The following SP140 variants were observed in gnomAD, a reference collection of about 807,000 sequenced individuals.
SP140 encodes the protein nuclear body protein SP140.
A neutral mutation model predicts 125.0 loss-of-function variants in SP140; 81 were observed. That is an observed-to-expected ratio of 0.65 (90% CI 0.54 to 0.78). SP140 has a LOEUF of 0.78. SP140 is among the 30% of genes least tolerant of loss of function. SP140 has a pLI of 0.00. For synonymous variants in SP140, 312 were observed against 354.0 expected, an observed-to-expected ratio of 0.88 and a Z score of 1.33; for missense variants, 858 against 1,037.0, an observed-to-expected ratio of 0.83 and a Z score of 2.37.
intron 1 of SP140, among the ~76,000 whole-genome samples, chr2:230,231,109 A>G (rs1413296181): frequency 3.3e-5 from 5 of 151,982 alleles, no homozygotes; most frequent in African/African-American, 1.2e-4. Flanking sequence ...ATTTTTCATT[A>G]TGTCTTTGAG....
At chr2:230,231,761 C>T (rs2047283169) in intron 1 of SP140, among the ~76,000 whole-genome samples, 1 of 152,020 alleles carries the variant, frequency 6.6e-6, no homozygotes, top group African/African-American at 2.4e-5. Context: ...GGCTATAGTG[C>T]AGTGGCGTGG....
intron 1 of SP140, among the ~76,000 whole-genome samples, chr2:230,208,849 G>A (rs1489031181): frequency 2.0e-5 from 3 of 152,286 alleles, no homozygotes; most frequent in African/African-American, 7.2e-5. Context: ...CTAGGAAAAG[G>A]CAGAGAGGAA....
chr2:230,306,186 A>G (rs2058744057), intron 22 of SP140, among the ~76,000 whole-genome samples: 1 of 152,186 alleles, frequency 6.6e-6, no homozygotes, highest in South Asian at 2.1e-4. Flanking sequence ...CACAGCCGGC[A>G]GGACCTGCTC....
the SP140 span, among the ~76,000 whole-genome samples, chr2:230,188,052 T>G: frequency 2.6e-5 from 4 of 152,188 alleles, no homozygotes; most frequent in Non-Finnish European, 5.9e-5. Context: ...TTGATAAGAA[T>G]TGCATTCAAT....
chr2:230,286,203 G>A (rs891978759), intron 17 of SP140, among the ~76,000 whole-genome samples: 13 of 152,136 alleles, frequency 8.5e-5, no homozygotes, highest in African/African-American at 3.1e-4. Flanking sequence ...TTCCTGTCTT[G>A]AGCAAGCTCT....
rs2057445826 is a variant in SP140 at position 230,294,283 on chromosome 2, C to T, written c.1981C>T (p.Pro661Ser). 6.2e-7 allele frequency: 1 copy of T among 1,613,020 alleles called. No individual in the cohort carries two copies. Reference sequence around the variant, plus strand: ...TTTTGTCTTTCAGAATGGATTTCTGCCTGATCCTCCAAGAATACGTTACAG... The same window carrying T: ...TTTTGTCTTTCAGAATGGATTTCTGTCTGATCCTCCAAGAATACGTTACAG... ...LRWLMENGFLPDPPRIRYRKK... is the reference protein window; with the variant it reads ...LRWLMENGFLSDPPRIRYRKK... Residue 661 changes from proline to serine, a missense_variant, in exon 21 of 27, where the codon CCT becomes TCT. By Grantham distance (74) the Pro-to-Ser change is moderately conservative. Around this residue, in one of 4 missense-constraint regions of SP140, gnomAD observed 791 missense variants for 869.5 expected, o/e 0.91. Transcript: ENST00000392045.
chr2:230,307,068 C>T (rs2058831263), intron 22 of SP140, among the ~76,000 whole-genome samples: 2 of 152,202 alleles, frequency 1.3e-5, no homozygotes, highest in Admixed American at 1.3e-4. Context: ...TTGGAGAGAA[C>T]ATCCTGGACA....
At chr2:230,258,455 A>C (rs2051622388) in intron 12 of SP140, among the ~76,000 whole-genome samples, 1 of 152,248 alleles carries the variant, frequency 6.6e-6, no homozygotes, top group African/African-American at 2.4e-5. Flanking sequence ...TTTTGCTCCA[A>C]GAATACTCAC....
intron 6 of SP140, 39 bp downstream of exon 6, chr2:230,245,119 A>T: frequency 7.2e-7 from 1 of 1,396,102 alleles, no homozygotes; most frequent in African/African-American, 1.4e-5. Context: ...TCATTAAATT[A>T]GTTGGCCTAT....
rs2048253802 is a variant in SP140 at position 230,238,254 on chromosome 2, A to G, written c.279A>G (p.Arg93=). The change falls in exon 3 of 27, where the codon AGA becomes AGG. Residue 93 remains arginine, a synonymous_variant. Transcript: ENST00000392045. ...EAFRNLVPVT[R]VMYCVLSELE... ...TTAGAAACCTGGTCCCAGTGACAAG[A>G]GTGATGTATTGTGTACTCAGTGAAC... The G allele has an allele frequency of 5.0e-6, 8 of 1,607,642 alleles. No homozygotes were observed. Among genetic ancestry groups the G allele is most frequent in the Non-Finnish European group, 6.8e-6 (8 of 1,177,916 alleles).
chr2:230,285,693 G>T, intron 16 of SP140, 59 bp from the exon 17 acceptor site: 1 of 1,400,572 alleles, frequency 7.1e-7, no homozygotes, highest in Non-Finnish European at 1.0e-6. Flanking sequence ...GTTTGTTCCT[G>T]CCTGACAGCT....
At chr2:230,194,939 G>A in the SP140 span, among the ~76,000 whole-genome samples, 1 of 152,154 alleles carries the variant, frequency 6.6e-6, no homozygotes, top group East Asian at 1.9e-4. Flanking sequence ...GGTTGGGGCT[G>A]GCTGTGCTCC....
At chr2:230,307,053 C>T (rs2058830230) in intron 22 of SP140, among the ~76,000 whole-genome samples, 1 of 152,214 alleles carries the variant, frequency 6.6e-6, no homozygotes, top group Admixed American at 6.5e-5. Context: ...TGGACTCAGT[C>T]AGACTTGGAG....
upstream of SP140, chr2:230,200,703 C>G (rs2043090578): frequency 1.6e-6 from 1 of 630,718 alleles, no homozygotes. Flanking sequence ...ATAAAATGGA[C>G]ATATATTTGT....
rs1002209038 is a variant in SP140, at chr2:230,310,099, G to T, written c.2174+60G>T. ...TTAAGGGATCTTCCACCTGCCATGC[G>T]CACTCTCCAGCAGAGTGCCGGCTTG... On this transcript the variant is annotated intron_variant, in intron 23 of 26. Coordinates refer to ENST00000392045, the MANE Select transcript of SP140 (RefSeq NM_007237.5). 2.6e-6 allele frequency: 4 copies of T among 1,511,028 alleles called. No individual in the cohort carries two copies. In the South Asian group the frequency reaches 3.4e-5, roughly 13 times the overall value. The allele number at this position is 1,511,028 out of a possible 1,614,324, so 93.6% of individuals were successfully genotyped here. A position where few individuals can be genotyped will look rare whatever the true frequency, so the allele number is the denominator to read the frequency against.
At chr2:230,292,875 T>C in intron 20 of SP140, 87 bp downstream of exon 20, 1 of 1,579,190 alleles carries the variant, frequency 6.3e-7, no homozygotes, top group Non-Finnish European at 8.6e-7. Flanking sequence ...ATTTGTTAGG[T>C]TATAGCTAAA....
chr2:230,198,653 G>A (rs538494903), upstream of SP140, among the ~76,000 whole-genome samples: 41 of 152,198 alleles, frequency 2.7e-4, no homozygotes, highest in African/African-American at 9.6e-4. Flanking sequence ...GGAGTGCAGT[G>A]GCATGATCTT....
Position 230,211,910 on chromosome 2 carries a change from T to C in SP140, c.-322-1744T>C, listed in dbSNP as rs3769839. 0.13 allele frequency among the ~76,000 whole-genome samples: 19,130 copies of C among 152,236 alleles called. 1,402 individuals carry two copies. Among genetic ancestry groups the C allele is most frequent in the South Asian group, 0.25 (1,188 of 4,824 alleles). On this transcript the variant is annotated intron_variant, in intron 1 of 4. Coordinates refer to the SP140 transcript ENST00000456542. This position sits in a 1 kb window ranked among gnomAD's most constrained non-coding sequence, Gnocchi z 4.2. ...TATCATACCATTCTTACGTTTAATG[T>C]AATCAAACTCCATTATGATGATGGT...
chr2:230,305,442 A>T (rs1472100984), intron 22 of SP140, among the ~76,000 whole-genome samples: 1 of 152,238 alleles, frequency 6.6e-6, no homozygotes, highest in African/African-American at 2.4e-5. Context: ...GCTGCCATGA[A>T]GCTGGCTGCA....
Sources: allele counts gnomAD v4.1 joint callset (sites outside exome capture counted in the v4.1 genomes callset), GRCh38; gene constraint gnomAD v4.1.1; regional missense constraint gnomAD v4.1.1; non-coding constraint Gnocchi (gnomAD v3.1); transcripts MANE v1.5; gene names NCBI Gene and HGNC (gene_info 2026-07-23, HGNC 2026-07-21).